Variants in USP26 observed in about 807,000 individuals in gnomAD.
USP26 encodes ubiquitin carboxyl-terminal hydrolase 26.
For missense variants in USP26, 649 were observed against 642.3 expected (o/e 1.01, Z -0.11); for synonymous variants, 236 against 240.6 (o/e 0.98, Z 0.18).
At chrX:133,060,054 C>T (rs575999523) in intron 5 of USP26, among the ~76,000 whole-genome samples, 7 of 111,722 alleles carry the variant, frequency 6.3e-5, no homozygotes, top group Middle Eastern at 4.7e-3. Context: ...TTTCCCAAGT[C>T]CAAGATGCTA....
At chrX:133,065,922 A>T (rs1279689764) in intron 5 of USP26, among the ~76,000 whole-genome samples, 2 of 112,030 alleles carry the variant, frequency 1.8e-5, no homozygotes, top group Admixed American at 1.9e-4. Context: ...ATAGGAAGAG[A>T]GGAAGTCAAA....
At chrX:133,091,196 G>A (rs1047123724) in intron 2 of USP26, among the ~76,000 whole-genome samples, 157 bp downstream of exon 2, 1 of 111,984 alleles carries the variant, frequency 8.9e-6, no homozygotes, top group Non-Finnish European at 1.9e-5. Context: ...AATTGCTGGC[G>A]TATACCTTCA....
chrX:133,045,412 G>C (rs1044994430), intron 5 of USP26, among the ~76,000 whole-genome samples: 3 of 112,051 alleles, frequency 2.7e-5, no homozygotes, highest in African/African-American at 9.8e-5. Context: ...GAGAATAAAA[G>C]CAGGCTGCCC....
intron 5 of USP26, among the ~76,000 whole-genome samples, chrX:133,050,004 TTAAA>T (rs2067453396): frequency 8.9e-6 from 1 of 112,498 alleles, no homozygotes; most frequent in South Asian, 3.6e-4. Context: ...AATAGCCCAC[TTAAA>T]TAAATGACCA....
chrX:133,056,736 C>G (rs1355214033), intron 5 of USP26, among the ~76,000 whole-genome samples: 1 of 111,982 alleles, frequency 8.9e-6, no homozygotes, highest in East Asian at 2.8e-4. Context: ...CCTTTTACTA[C>G]CAACGGCCCA....
intron 5 of USP26, among the ~76,000 whole-genome samples, chrX:133,055,211 T>C (rs946758968): frequency 9.0e-6 from 1 of 111,634 alleles, no homozygotes; most frequent in African/African-American, 3.3e-5. Flanking sequence ...GTTGCTGGGG[T>C]TGGGGAAGGG....
Position 133,085,668 on chromosome X carries a change from T to A in USP26, c.-141-1897A>T, listed in dbSNP as rs1174681934. Among the ~76,000 whole-genome samples, 6 of 112,263 alleles carry A rather than the reference T, an allele frequency of 5.3e-5. No homozygotes were observed. The East Asian group carries it at 1.1e-3, about 21-fold the overall frequency. The stretch of plus-strand genomic sequence containing the variant: ...ACATTAGATTCAACGAAAACTAGAA[T>A]CTTTAAAATAAATTCACTGAATTTT... On this transcript the variant is annotated intron_variant, in intron 4 of 5. Transcript: ENST00000511190.
In USP26 at chrX:133,095,614, T is replaced by C. The variant is rs182907622; in HGVS notation, c.-393+1416A>G. Among the ~76,000 whole-genome samples the C allele has an allele frequency of 2.2e-3, 250 of 112,053 alleles. 2 individuals are homozygous for C. Among genetic ancestry groups the C allele is most frequent in the African/African-American group, 7.6e-3 (234 of 30,873 alleles). On this transcript the variant is annotated intron_variant, in intron 1 of 5. Coordinates refer to ENST00000511190, the MANE Select transcript of USP26 (RefSeq NM_031907.3). ...AAGTTTCCAATGCCAACAATATTTT[T>C]TTAAGAGACAGGGTCTCGCTCTGTC...
intron 4 of USP26, among the ~76,000 whole-genome samples, chrX:133,084,512 CTTT>C (rs34922544): frequency 8.4e-5 from 6 of 71,138 alleles, no homozygotes; most frequent in Non-Finnish European, 1.0e-4. Flanking sequence ...GGCAGAACTT[CTTT>C]TTTTTTTTTT....
Position 133,028,123 on chromosome X carries a change from T to C in USP26, c.98A>G (p.Lys33Arg). 1 of 1,211,726 alleles carries C rather than the reference T, an allele frequency of 8.3e-7. No homozygotes were observed. Among genetic ancestry groups the C allele is most frequent in the Non-Finnish European group, 1.1e-6 (1 of 895,359 alleles). The change falls in exon 6 of 6, where the codon AAG (lysine) becomes AGG (arginine). Residue 33 changes from lysine to arginine, a missense_variant. Coordinates refer to ENST00000511190, the MANE Select transcript of USP26 (RefSeq NM_031907.3). The part of the protein sequence containing the change: ...KEAFIEAVER[K>R]KKDRLVLYFK... ...ATACAGCACCAGTCTATCTTTCTTC[T>C]TTCTTTCCACTGCTTCAATGAATGC...
Position 133,027,119 on chromosome X carries a change from T to C in USP26, c.1102A>G (p.Ile368Val). Residue 368 changes from isoleucine (I) to valine (V), a missense_variant, in exon 6 of 6, where the codon ATT (isoleucine) becomes GTT (valine). Ile to Val is a conservative substitution (Grantham distance 29, BLOSUM62 3). Transcript: ENST00000511190. Reference protein sequence around the residue: ...EMLLLNLKKAISAAAEIFHGN... With the variant: ...EMLLLNLKKAVSAAAEIFHGN... Reference sequence around the variant, plus strand: ...TGGAATATCTCTGCAGCTGCTGAAATGGCCTTTTTAAGATTCAAGAGTAAC... The same window carrying C: ...TGGAATATCTCTGCAGCTGCTGAAACGGCCTTTTTAAGATTCAAGAGTAAC... The C allele has an allele frequency of 8.3e-7, 1 of 1,211,040 alleles. No individual in the cohort carries two copies. The highest frequency in any genetic ancestry group is 2.3e-4 in the Middle Eastern group (1 of 4,353).
At chrX:133,062,935 C>T (rs2067498374) in intron 5 of USP26, among the ~76,000 whole-genome samples, 1 of 110,854 alleles carries the variant, frequency 9.0e-6, no homozygotes, top group South Asian at 3.9e-4. Flanking sequence ...CTCCTCTGAG[C>T]TAAAGGAGTG....
intron 5 of USP26, among the ~76,000 whole-genome samples, chrX:133,033,853 A>G (rs189407973): frequency 7.9e-4 from 89 of 112,354 alleles, no homozygotes; most frequent in Non-Finnish European, 8.4e-4. Context: ...GGGTTTTAAG[A>G]TAAATACAAA....
In USP26 at chrX:133,025,833, A is replaced by T. The variant is rs759616657; in HGVS notation, c.2388T>A (p.Asn796Lys). The change falls in exon 6 of 6, where the codon AAT becomes AAA. Residue 796 changes from asparagine to lysine, a missense_variant. By Grantham distance (94) the Asn-to-Lys change is moderately conservative (BLOSUM62 0). Transcript: ENST00000511190. Reference protein sequence around the residue: ...NSLLALGSNKNPRNKDILDKI... With the variant: ...NSLLALGSNKKPRNKDILDKI... ...TATCTAAAATGTCTTTGTTTCTTGG[A>T]TTCTTATTGGAACCCAGTGCAAGTA... 8.3e-7 allele frequency: 1 copy of T among 1,209,395 alleles called. No homozygotes were observed. Among genetic ancestry groups the T allele is most frequent in the South Asian group, 1.8e-5 (1 of 56,871 alleles).
chrX:133,047,643 C>T (rs971594331), intron 5 of USP26, among the ~76,000 whole-genome samples: 2 of 111,864 alleles, frequency 1.8e-5, no homozygotes, highest in East Asian at 5.6e-4. Flanking sequence ...GAAATCCTAA[C>T]TCCAAAGTGA....
intron 5 of USP26, among the ~76,000 whole-genome samples, chrX:133,038,510 G>A (rs1220422379): frequency 8.0e-5 from 9 of 111,849 alleles, no homozygotes; most frequent in African/African-American, 2.9e-4. Context: ...TCCCAGGGAC[G>A]AAGCCGGCTT....
chrX:133,089,499 A>C (rs1174829253), intron 4 of USP26, among the ~76,000 whole-genome samples: 1 of 111,862 alleles, frequency 8.9e-6, no homozygotes, highest in Non-Finnish European at 1.9e-5. Flanking sequence ...CTCAGCTCAG[A>C]GCAAGAAAAA....
At chrX:133,044,950 C>T (rs1602974532) in intron 5 of USP26, among the ~76,000 whole-genome samples, 1 of 110,060 alleles carries the variant, frequency 9.1e-6, no homozygotes, top group East Asian at 2.9e-4. Flanking sequence ...CCAATCAGTG[C>T]TCTGTATCTA....
At chrX:133,074,195 C>G (rs749165663) in intron 5 of USP26, among the ~76,000 whole-genome samples, 12 of 112,295 alleles carry the variant, frequency 1.1e-4, no homozygotes, top group Admixed American at 3.8e-4. Flanking sequence ...TTGCCAGTAT[C>G]AGACTGTGGA....
Sources: allele counts gnomAD v4.1 joint callset (sites outside exome capture counted in the v4.1 genomes callset), GRCh38; gene constraint gnomAD v4.1.1; transcripts MANE v1.5; gene names NCBI Gene and HGNC (gene_info 2026-07-23, HGNC 2026-07-21).